NMRK1: variants seen among roughly 807,000 people sequenced by gnomAD.
The protein encoded by NMRK1 is nicotinamide riboside kinase 1, also known as NRK 1.
In NMRK1, 28 loss-of-function variants were observed where a neutral mutation model predicts 29.9. The ratio of observed to expected loss-of-function variants is 0.94; its 90% CI spans 0.69 to 1.28. The LOEUF is 1.28. Among genes scored for constraint, NMRK1 ranks in the 50% most tolerant of loss-of-function variants. The pLI is 0.00. For missense variants in NMRK1, 218 were observed against 233.1 expected, an observed-to-expected ratio of 0.94 and a Z score of 0.42; for synonymous variants, 58 against 73.0, an observed-to-expected ratio of 0.79 and a Z score of 1.05.
intron 1 of NMRK1, 52 bp downstream of exon 1, chr9:75,087,956 A>G: frequency 6.5e-6 from 1 of 153,994 alleles, no homozygotes; most frequent in Non-Finnish European, 1.4e-5. Context: ...AAACACCTCC[A>G]GGCCCCAGCA....
rs1410138015 is a variant in NMRK1, at chr9:75,061,186, G to T, written c.*362C>A. 8.5e-6 allele frequency: 2 copies of T among 233,954 alleles called. No homozygotes were observed. The highest frequency in any genetic ancestry group is 1.0e-4 in the Admixed American group (2 of 19,954). The allele number at this position is 233,954 out of a possible 1,614,324, so 14.5% of individuals were successfully genotyped here. A position where few individuals can be genotyped will look rare whatever the true frequency, so the allele number is the denominator to read the frequency against. ...ACACAAATACATAAACATACACAAT[G>T]AATTCCACAGATATTGGATTGTGAT... On this transcript the variant is annotated 3_prime_UTR_variant, in exon 9 of 9. Coordinates refer to ENST00000361092, the MANE Select transcript of NMRK1 (RefSeq NM_017881.3).
At chr9:75,073,596 A>T (rs1823822127) in intron 4 of NMRK1, among the ~76,000 whole-genome samples, 1 of 152,052 alleles carries the variant, frequency 6.6e-6, no homozygotes, top group Non-Finnish European at 1.5e-5. Flanking sequence ...AAAATTAGTC[A>T]GGCGTGGTGG....
intron 4 of NMRK1, among the ~76,000 whole-genome samples, chr9:75,071,746 G>A (rs561183593): frequency 1.3e-4 from 20 of 152,276 alleles, no homozygotes; most frequent in South Asian, 4.1e-4. Context: ...AGAAGAGGGC[G>A]TCAAGGAGAG....
chr9:75,073,379 T>C (rs561746616), intron 4 of NMRK1, among the ~76,000 whole-genome samples: 2 of 152,196 alleles, frequency 1.3e-5, no homozygotes, highest in Non-Finnish European at 2.9e-5. Context: ...TTCTGTTGTT[T>C]AAGGCATTCT....
intron 8 of NMRK1, chr9:75,066,264 C>T (rs1823338281): frequency 1.9e-6 from 1 of 518,680 alleles, no homozygotes; most frequent in African/African-American, 1.9e-5. Context: ...AGGCAGATCC[C>T]TGTCACTTGC....
At chr9:75,074,417 T>G (rs1823875368) in intron 4 of NMRK1, among the ~76,000 whole-genome samples, 1 of 152,110 alleles carries the variant, frequency 6.6e-6, no homozygotes, top group Admixed American at 6.6e-5. Context: ...TGAGACAGTC[T>G]CACTCTGTCA....
rs776998990 is a variant in NMRK1 at position 75,078,391 on chromosome 9, G to A, written c.30-811C>T. On this transcript the variant is annotated intron_variant, in intron 2 of 8. Transcript: ENST00000361092. ...TCTCTCTCCACCTGGGGGCCAGCTG[G>A]GAGGTCTGCTGTAGCTTATCACAAC... The A allele has an allele frequency of 4.3e-5, 67 of 1,563,158 alleles. No homozygotes were observed. In the Middle Eastern group the frequency reaches 8.3e-4, roughly 19 times the overall value.
At chr9:75,066,597 C>T (rs943241204) in intron 8 of NMRK1, among the ~76,000 whole-genome samples, 160 bp downstream of exon 8, 2 of 151,930 alleles carry the variant, frequency 1.3e-5, no homozygotes, top group East Asian at 1.9e-4. Flanking sequence ...TCTCCAAACC[C>T]CCCCCCAGAA....
intron 4 of NMRK1, among the ~76,000 whole-genome samples, chr9:75,074,882 TAAGA>T (rs1401568924): frequency 6.6e-6 from 1 of 152,200 alleles, no homozygotes; most frequent in Non-Finnish European, 1.5e-5. Context: ...AGTTTTTCCT[TAAGA>T]TAGATTCCTG....
intron 2 of NMRK1, among the ~76,000 whole-genome samples, chr9:75,079,128 A>G (rs1197057563): frequency 6.6e-6 from 1 of 152,208 alleles, no homozygotes; most frequent in South Asian, 2.1e-4. Flanking sequence ...ACTAATATCC[A>G]TTCATCAAAA....
Position 75,081,169 on chromosome 9 carries a change from G to A in NMRK1, c.29+1918C>T, listed in dbSNP as rs148396624. Among the ~76,000 whole-genome samples, 17 of 152,260 alleles carry A rather than the reference G, an allele frequency of 1.1e-4. No homozygotes were observed. The East Asian group carries it at 2.7e-3, about 24-fold the overall frequency. On this transcript the variant is annotated intron_variant, in intron 2 of 8. Coordinates refer to ENST00000361092, the MANE Select transcript of NMRK1 (RefSeq NM_017881.3). ...TTACTTCCCTATGAAGTAATTATTC[G>A]ATTGAGGCTTATTGGACAATTACTT...
At chr9:75,073,236 C>T (rs981767983) in intron 4 of NMRK1, among the ~76,000 whole-genome samples, 2 of 151,988 alleles carry the variant, frequency 1.3e-5, no homozygotes, top group African/African-American at 2.4e-5. Flanking sequence ...CCAAGGCTGC[C>T]GGAGATTTCA....
Position 75,061,382 on chromosome 9 carries a change from A to G in NMRK1, c.*166T>C. Reference sequence around the variant, plus strand: ...GGTACAGTCCTGTCCATTGGCATGGATATTTATTGTTCCACATGTTGGGAA... The same window carrying G: ...GGTACAGTCCTGTCCATTGGCATGGGTATTTATTGTTCCACATGTTGGGAA... On this transcript the variant is annotated 3_prime_UTR_variant, in exon 9 of 9. Coordinates refer to ENST00000361092, the MANE Select transcript of NMRK1 (RefSeq NM_017881.3). 1 of 631,200 alleles carries G rather than the reference A, an allele frequency of 1.6e-6. No individual in the cohort carries two copies. Among genetic ancestry groups the G allele is most frequent in the East Asian group, 2.8e-5 (1 of 36,236 alleles). The allele number at this position is 631,200 out of a possible 1,614,324, so 39.1% of individuals were successfully genotyped here.
At chr9:75,070,358 C>T (rs758143965) in intron 4 of NMRK1, among the ~76,000 whole-genome samples, 6 of 152,150 alleles carry the variant, frequency 3.9e-5, no homozygotes, top group Non-Finnish European at 8.8e-5. Flanking sequence ...CGATTCTCTC[C>T]TGACTACACA....
chr9:75,069,865 CA>C (rs775274355), intron 5 of NMRK1, 29 bp downstream of exon 5: 2 of 1,612,008 alleles, frequency 1.2e-6, no homozygotes, highest in African/African-American at 2.7e-5. Flanking sequence ...CCCATTCACT[CA>C]GAGACAATAT....
rs370543707 is a variant in NMRK1, at chr9:75,073,462, A to G, written c.170-3420T>C. 3.0e-3 allele frequency among the ~76,000 whole-genome samples: 461 copies of G among 152,278 alleles called. 1 individual carries two copies. The highest frequency in any genetic ancestry group is 0.011 in the African/African-American group (452 of 41,566). ...TGTGTTAAAATCCCCCTCATCAGCT[A>G]GGCGTGGTGGCTCACACCTGTATCC... On this transcript the variant is annotated intron_variant, in intron 4 of 8. Coordinates refer to ENST00000361092, the MANE Select transcript of NMRK1 (RefSeq NM_017881.3).
chr9:75,066,190 G>A, intron 8 of NMRK1: 1 of 486,196 alleles, frequency 2.1e-6, no homozygotes, highest in Non-Finnish European at 4.0e-6. Flanking sequence ...GCATAAATGA[G>A]TTAATCCAGC....
chr9:75,077,334 C>A, intron 3 of NMRK1, 127 bp from the exon 4 acceptor site: 1 of 851,024 alleles, frequency 1.2e-6, no homozygotes, highest in Non-Finnish European at 1.9e-6. Flanking sequence ...CACTGATAGA[C>A]AGTGCCATCT....
At chr9:75,085,726 G>GT (rs58741153) in intron 1 of NMRK1, among the ~76,000 whole-genome samples, 2,215 of 85,104 alleles carry the variant, frequency 0.026, 54 homozygotes, top group East Asian at 0.04. Flanking sequence ...TCAAATGTAA[G>GT]TTTTTTTTTT....
Sources: allele counts gnomAD v4.1 joint callset (sites outside exome capture counted in the v4.1 genomes callset), GRCh38; gene constraint gnomAD v4.1.1; transcripts MANE v1.5; gene names NCBI Gene and HGNC (gene_info 2026-07-23, HGNC 2026-07-21).